The following IRS4 variants were observed in gnomAD, a reference collection of about 807,000 sequenced individuals.
The protein encoded by IRS4 is insulin receptor substrate 4.
In IRS4, 15 loss-of-function variants were observed where a neutral mutation model predicts 48.6. The observed-to-expected ratio is 0.31, with a 90% confidence interval of 0.21 to 0.48. The LOEUF (loss-of-function observed/expected upper bound fraction) is 0.48. Ranked by LOEUF, IRS4 falls within the 20% of genes least tolerant of loss-of-function variation. The pLI is 0.99. For missense variants in IRS4, 987 were observed against 1,023.4 expected, an observed-to-expected ratio of 0.96 and a Z score of 0.49; for synonymous variants, 459 against 413.2, an observed-to-expected ratio of 1.11 and a Z score of -1.34.
intron 1 of IRS4, among the ~76,000 whole-genome samples, chrX:108,725,152 G>A (rs1007029000): frequency 9.0e-6 from 1 of 110,639 alleles, no homozygotes; most frequent in Non-Finnish European, 1.9e-5. Context: ...GTTCCTCCAG[G>A]GTATTTCAGA....
chrX:108,736,439 C>T lies in IRS4; in HGVS notation c.-95G>A, dbSNP rs2068955670. On this transcript the variant is annotated 5_prime_UTR_variant, in exon 1 of 2. Coordinates refer to ENST00000372129, the MANE Select transcript of IRS4 (RefSeq NM_001379150.1). ...AGGCTGTCTACCCTCGTCTGCCCGC[C>T]CCAGCCCCCTCCTGCCTTGGCCCGC... is the stretch of plus-strand genomic sequence containing the variant. 1.7e-6 allele frequency: 2 copies of T among 1,157,092 alleles called. No individual in the cohort carries two copies. Among genetic ancestry groups the T allele is most frequent in the African/African-American group, 1.8e-5 (1 of 56,468 alleles).
At position 108,735,937 on chromosome X, in the gene IRS4, G is replaced by T; in HGVS notation, c.408C>A (p.Ala136=). 2 of 1,207,621 alleles carry T rather than the reference G, an allele frequency of 1.7e-6. No individual in the cohort carries two copies. Among genetic ancestry groups the T allele is most frequent in the Non-Finnish European group, 2.2e-6 (2 of 893,580 alleles). The part of the protein sequence containing the change: ...AAAAAAAASG[A]AIPPLIPPRR... ...GCGGTGGAATGAGCGGGGGGATCGC[G>T]GCGCCAGAGGCGGCCGCCGCTGCTG... The change falls in exon 1 of 2, where the codon GCC becomes GCA. Residue 136 remains alanine (A), a synonymous_variant. Coordinates refer to ENST00000372129, the MANE Select transcript of IRS4 (RefSeq NM_001379150.1).
chrX:108,731,543 T>C (rs943466474), intron 1 of IRS4, among the ~76,000 whole-genome samples: 2 of 111,445 alleles, frequency 1.8e-5, no homozygotes, highest in African/African-American at 6.5e-5. Flanking sequence ...TTGTACACAG[T>C]AGAATTACTC....
At chrX:108,726,712 T>C (rs1300909836) in intron 1 of IRS4, 1 of 112,096 alleles carries the variant, frequency 8.9e-6, no homozygotes, top group Non-Finnish European at 1.9e-5. Flanking sequence ...ATTATATAAA[T>C]TGTCAAAACT....
Position 108,734,878 on chromosome X carries a change from A to G in IRS4, c.1467T>C (p.Pro489=). 1.1e-5 allele frequency: 13 copies of G among 1,211,721 alleles called. No homozygotes were observed. Among genetic ancestry groups the G allele is most frequent in the African/African-American group, 1.7e-5 (1 of 57,723 alleles). Residue 489 remains proline (P), a synonymous_variant, in exon 1 of 2, where the codon CCT becomes CCC. Transcript: ENST00000372129. ...DQEGSGGDYM[P]MNNWGSGNGR... ...CATTTCCTGAGCCCCAATTGTTCATAGGCATGTAGTCACCTCCGCTTCCTT... is the reference window on the plus strand; with the variant it reads ...CATTTCCTGAGCCCCAATTGTTCATGGGCATGTAGTCACCTCCGCTTCCTT...
chrX:108,726,553 G>C (rs1358972740), intron 1 of IRS4: 1 of 111,559 alleles, frequency 9.0e-6, no homozygotes, highest in Non-Finnish European at 1.9e-5. Context: ...TAAAAAGCAA[G>C]AGTAAAAAAT....
chrX:108,722,613 A>C (rs779212174), intron 1 of IRS4, 90 bp from the exon 2 acceptor site: 1 of 274,652 alleles, frequency 3.6e-6, no homozygotes, highest in African/African-American at 2.8e-5. Flanking sequence ...AACAACACAA[A>C]ACAAAACAAA....
rs752468402 is a variant in IRS4 at position 108,736,044 on chromosome X, C to T, written c.301G>A (p.Glu101Lys). Reference protein sequence around the residue: ...GHRRYFVLKLETADAPARLEY... With the variant: ...GHRRYFVLKLKTADAPARLEY... ...AGCCGAGCTGGGGCGTCAGCAGTCT[C>T]GAGTTTGAGCACGAAGTAGCGCCTG... Residue 101 changes from glutamate to lysine, a missense_variant, in exon 1 of 2, where the codon GAG becomes AAG. Transcript: ENST00000372129. The T allele has an allele frequency of 8.3e-7, 1 of 1,208,542 alleles. No homozygotes were observed. The highest frequency in any genetic ancestry group is 1.1e-6 in the Non-Finnish European group (1 of 894,863).
In IRS4 at chrX:108,732,572, T is replaced by C. The variant is rs372033719; in HGVS notation, c.3766+7A>G. The C allele has an allele frequency of 8.3e-7, 1 of 1,210,252 alleles. No individual in the cohort carries two copies. Among genetic ancestry groups the C allele is most frequent in the Non-Finnish European group, 1.1e-6 (1 of 894,126 alleles). ...ACTTTAGGGAAATTAATTCTAAAAT[T>C]ACCGACCTCTTTTGGGAGAGTCGAA... On this transcript the variant is annotated splice_region_variant and intron_variant, in intron 1 of 1. Transcript: ENST00000372129.
rs1323015487 is a variant in IRS4, at chrX:108,732,729, C to A, written c.3616G>T (p.Ala1206Ser). The A allele has an allele frequency of 1.7e-6, 2 of 1,211,308 alleles. No individual in the cohort carries two copies. The highest frequency in any genetic ancestry group is 2.2e-6 in the Non-Finnish European group (2 of 895,214). Residue 1206 changes from alanine (A) to serine (S), a missense_variant, in exon 1 of 2, where the codon GCT becomes TCT. By Grantham distance (99) the Ala-to-Ser change is moderately conservative. Around this residue, in one of 4 missense-constraint regions of IRS4, gnomAD observed 720 missense variants for 660.3 expected, o/e 1.09. Transcript: ENST00000372129. ...LARGDNQAGG[A>S]AAAAAAPEPP... ...TCCGGAGCGGCAGCTGCAGCGGCAGCCCCGCCAGCCTGGTTATCACCTCTG... is the reference window on the plus strand; with the variant it reads ...TCCGGAGCGGCAGCTGCAGCGGCAGACCCGCCAGCCTGGTTATCACCTCTG...
At position 108,736,280 on chromosome X, in the gene IRS4, GC is replaced by G. The variant is rs1410291641; in HGVS notation, c.64del (p.Ala22GlnfsTer5). 2 of 1,168,438 alleles carry G rather than the reference GC, an allele frequency of 1.7e-6. No homozygotes were observed. The highest frequency in any genetic ancestry group is 2.3e-6 in the Non-Finnish European group (2 of 872,328). The stretch of plus-strand genomic sequence containing the variant: ...CACCACTGCTGCTAGAGCTGCCGCT[GC>G]CGCCGCTGCTGCACCTCTTAGTCTT... ...TRRLRGAAAAAAAALAAVVTT... is the reference protein window; with the variant it reads ...TRRLRGAAAAXAAALAAVVTT... On this transcript the variant is annotated frameshift_variant, in exon 1 of 2. Transcript: ENST00000372129. LOFTEE classifies it high-confidence loss of function.
intron 1 of IRS4, among the ~76,000 whole-genome samples, chrX:108,731,117 A>G (rs1040052623): frequency 4.5e-5 from 5 of 111,026 alleles, no homozygotes; most frequent in Non-Finnish European, 9.4e-5. Context: ...TTGGCAAGCC[A>G]AAGCATCCTT....
chrX:108,727,667 A>G (rs1327972793), intron 1 of IRS4, among the ~76,000 whole-genome samples: 1 of 112,466 alleles, frequency 8.9e-6, no homozygotes, highest in Non-Finnish European at 1.9e-5. Flanking sequence ...GTTTTAATTA[A>G]GCATTTTACA....
chrX:108,725,748 A>T (rs909840570), intron 1 of IRS4: 1 of 112,055 alleles, frequency 8.9e-6, no homozygotes, highest in Non-Finnish European at 1.9e-5. Context: ...CCAGACTATT[A>T]TCTCCTTCAT....
At position 108,732,653 on chromosome X, in the gene IRS4, G is replaced by C. The variant is rs1023168333; in HGVS notation, c.3692C>G (p.Ser1231Cys). The change falls in exon 1 of 2, where the codon TCT becomes TGT. Residue 1231 changes from serine to cysteine, a missense_variant. By Grantham distance (112) the Ser-to-Cys change is moderately radical (BLOSUM62 -1). Around this residue, in one of 4 missense-constraint regions of IRS4, gnomAD observed 720 missense variants for 660.3 expected, o/e 1.09. Transcript: ENST00000372129. ...RVPRPPERED[S>C]DNDDDTHVRM... ...CACGTGAGTGTCGTCGTCGTTGTCA[G>C]AATCTTCTCTCTCCGGGGGTCTTGG... 3 of 1,210,065 alleles carry C rather than the reference G, an allele frequency of 2.5e-6. No individual in the cohort carries two copies. The highest frequency in any genetic ancestry group is 3.5e-5 in the African/African-American group (2 of 57,146).
Position 108,722,068 on chromosome X carries a change from C to G in IRS4, c.*451G>C, listed in dbSNP as rs2068857897. 1 of 112,076 alleles carries G rather than the reference C, an allele frequency of 8.9e-6. No individual in the cohort carries two copies. The highest frequency in any genetic ancestry group is 1.9e-5 in the Non-Finnish European group (1 of 53,304). 9.2% of individuals were successfully genotyped at this position (112,076 alleles called of 1,213,427 possible). A position where few individuals can be genotyped will look rare whatever the true frequency, so the allele number is the denominator to read the frequency against. ...CATACCTTCCTTCCAATTATGACAG[C>G]TGTTTTTTCTTTATGTGCCCTGGTT... On this transcript the variant is annotated 3_prime_UTR_variant, in exon 2 of 2. Transcript: ENST00000372129.
rs1569511132 is a variant in IRS4 at position 108,734,208 on chromosome X, T to A, written c.2137A>T (p.Ser713Cys). The A allele has an allele frequency of 2.5e-6, 3 of 1,211,116 alleles. No individual in the cohort carries two copies. Among genetic ancestry groups the A allele is most frequent in the Non-Finnish European group, 3.4e-6 (3 of 895,367 alleles). ...GCCATTGGCATATAATCACTGGAGCTTACAAGAGGGGTGGCCACCCCTGGC... is the reference window on the plus strand; with the variant it reads ...GCCATTGGCATATAATCACTGGAGCATACAAGAGGGGTGGCCACCCCTGGC... Reference protein sequence around the residue: ...MRPGVATPLVSSSDYMPMAPQ... With the variant: ...MRPGVATPLVCSSDYMPMAPQ... Residue 713 changes from serine (S) to cysteine (C), a missense_variant, in exon 1 of 2, where the codon AGC becomes TGC. Around this residue, in one of 4 missense-constraint regions of IRS4, gnomAD observed 720 missense variants for 660.3 expected, o/e 1.09. Transcript: ENST00000372129.
chrX:108,722,384 G>A lies in IRS4; in HGVS notation c.*135C>T, dbSNP rs1470712277. On this transcript the variant is annotated 3_prime_UTR_variant, in exon 2 of 2. Transcript: ENST00000372129. ...ATTCAATTGCCAGAGTCCACTTGTA[G>A]GCTTGTAGAAATTTGGGTTGCTTTC... 8.0e-6 allele frequency: 2 copies of A among 251,390 alleles called. No homozygotes were observed. The highest frequency in any genetic ancestry group is 1.5e-5 in the Non-Finnish European group (2 of 133,962). The allele number at this position is 251,390 out of a possible 1,213,427, so 20.7% of individuals were successfully genotyped here. A position where few individuals can be genotyped will look rare whatever the true frequency, so the allele number is the denominator to read the frequency against.
chrX:108,734,119 C>A lies in IRS4; in HGVS notation c.2226G>T (p.Gly742=), dbSNP rs1215909107. 13 of 1,209,418 alleles carry A rather than the reference C, an allele frequency of 1.1e-5. No individual in the cohort carries two copies. The highest frequency in any genetic ancestry group is 1.3e-5 in the Non-Finnish European group (12 of 895,134). Residue 742 remains glycine, a synonymous_variant, in exon 1 of 2, where the codon GGG becomes GGT. Coordinates refer to ENST00000372129, the MANE Select transcript of IRS4 (RefSeq NM_001379150.1). ...TCACTCTGGGAAACATCATCATGTA[C>A]CCTCTTGAATCTTCAAAAGGGGATC... is the stretch of plus-strand genomic sequence containing the variant. ...HSRSPFEDSR[G]YMMMFPRVSP... is the part of the protein sequence containing the mutation.
Sources: gnomAD v4.1 joint callset for allele counts (sites outside exome capture counted in the v4.1 genomes callset) on GRCh38, gnomAD v4.1.1 for gene constraint, gnomAD v4.1.1 regional missense constraint, MANE v1.5 for transcripts, NCBI Gene and HGNC (gene_info 2026-07-23, HGNC 2026-07-21) for gene names.